The following SNX10 variants were observed in gnomAD, a reference collection of about 807,000 sequenced individuals.
The protein encoded by SNX10 is sorting nexin 10.
A neutral mutation model predicts 28.5 loss-of-function variants in SNX10; 25 were observed. The observed-to-expected ratio is 0.88, with a 90% CI of 0.64 to 1.22. SNX10 has a LOEUF of 1.22. Ranked by LOEUF, SNX10 falls within the 50% of genes most tolerant of loss-of-function variation. The pLI, the probability that SNX10 is intolerant of heterozygous loss-of-function variation, is 0.00. For synonymous variants in SNX10, 62 were observed against 81.4 expected, an observed-to-expected ratio of 0.76 and a Z score of 1.28; for missense variants, 223 against 242.6, an observed-to-expected ratio of 0.92 and a Z score of 0.54.
chr7:26,355,847 C>G (rs1788797941), intron 2 of SNX10, among the ~76,000 whole-genome samples: 1 of 152,204 alleles, frequency 6.6e-6, no homozygotes, highest in Admixed American at 6.5e-5. Flanking sequence ...AAACTTAGCT[C>G]AGGCTGGTCA....
chr7:26,292,318 C>T (rs1377646566), intron 1 of SNX10, among the ~76,000 whole-genome samples: 2 of 152,050 alleles, frequency 1.3e-5, no homozygotes, highest in Admixed American at 6.5e-5. Flanking sequence ...GGAGATGGAG[C>T]GCGTCGATCC....
rs555355327 is a variant in SNX10, at chr7:26,331,132, C to T, written c.-23-15288C>T. On this transcript the variant is annotated intron_variant, in intron 1 of 6. Coordinates refer to ENST00000338523, the MANE Select transcript of SNX10 (RefSeq NM_013322.3). The stretch of plus-strand genomic sequence containing the variant: ...CACCACTGCACTCCAGCCTGGGTGG[C>T]AGAGTGAGACCTGTCTCTAATAAAA... Among the ~76,000 whole-genome samples, 6 of 147,962 alleles carry T rather than the reference C, an allele frequency of 4.1e-5. No homozygotes were observed. The Admixed American group carries it at 4.1e-4, about 10-fold the overall frequency.
At chr7:26,361,913 A>T (rs1789088121) in intron 3 of SNX10, among the ~76,000 whole-genome samples, 1 of 152,214 alleles carries the variant, frequency 6.6e-6, no homozygotes, top group Non-Finnish European at 1.5e-5. Context: ...ATCAGATGCA[A>T]ACTAAATTAG....
At chr7:26,326,932 G>A (rs1787523960) in intron 1 of SNX10, among the ~76,000 whole-genome samples, 1 of 148,726 alleles carries the variant, frequency 6.7e-6, no homozygotes, top group African/African-American at 2.5e-5. Context: ...TAGAAGCACT[G>A]TCTCTGTGTT....
intron 1 of SNX10, among the ~76,000 whole-genome samples, chr7:26,323,436 G>A (rs1307283009): frequency 6.6e-6 from 1 of 152,100 alleles, no homozygotes; most frequent in African/African-American, 2.4e-5. Context: ...GAAGGCCCTG[G>A]GATGAGATGC....
chr7:26,349,241 G>A (rs539084032), intron 2 of SNX10, among the ~76,000 whole-genome samples: 12 of 152,276 alleles, frequency 7.9e-5, no homozygotes, highest in Admixed American at 4.6e-4. Context: ...AGGTTGGCAC[G>A]TGAATTGAGA....
chr7:26,294,820 G>T (rs1471214630), intron 1 of SNX10, among the ~76,000 whole-genome samples: 1 of 152,150 alleles, frequency 6.6e-6, no homozygotes, highest in Non-Finnish European at 1.5e-5. Flanking sequence ...TCTTTTTACA[G>T]ATGTGGAAAC....
chr7:26,360,672 A>AT (rs1277861778), intron 2 of SNX10: 4 of 319,740 alleles, frequency 1.3e-5, no homozygotes, highest in Non-Finnish European at 2.1e-5. Context: ...ATTATTTAAG[A>AT]TTAAAAATTA....
intron 2 of SNX10, among the ~76,000 whole-genome samples, chr7:26,349,213 C>T (rs990797118): frequency 1.3e-5 from 2 of 152,208 alleles, no homozygotes; most frequent in Admixed American, 1.3e-4. Context: ...CCACAGCAAA[C>T]ATTACTAATT....
intron 1 of SNX10, among the ~76,000 whole-genome samples, chr7:26,330,610 C>G (rs1787708049): frequency 6.6e-6 from 1 of 152,090 alleles, no homozygotes; most frequent in Non-Finnish European, 1.5e-5. Context: ...AGGACGGAGT[C>G]AGATCCAGGT....
intron 6 of SNX10, chr7:26,372,255 A>G (rs950788188): frequency 1.1e-4 from 65 of 587,944 alleles, no homozygotes; most frequent in African/African-American, 1.1e-3. Context: ...TAGAAATTCA[A>G]TTATTTGCAT....
In SNX10 at chr7:26,334,366, CCTCT is replaced by C. The variant is rs148480603; in HGVS notation, c.-23-12048_-23-12045del. Among the ~76,000 whole-genome samples the C allele has an allele frequency of 2.9e-3, 443 of 152,154 alleles. 4 individuals carry two copies. Among genetic ancestry groups the C allele is most frequent in the Middle Eastern group, 0.014 (4 of 294 alleles). On this transcript the variant is annotated intron_variant, in intron 1 of 6. Coordinates refer to ENST00000338523, the MANE Select transcript of SNX10 (RefSeq NM_013322.3). The stretch of plus-strand genomic sequence containing the variant: ...GAAGCACCTGTGCCAGTGGTCATTT[CCTCT>C]CTCTCATATGTAATTTTTCACAGCT...
At chr7:26,360,598 C>T (rs1789026699) in intron 2 of SNX10, 1 of 203,696 alleles carries the variant, frequency 4.9e-6, no homozygotes, top group African/African-American at 2.4e-5. Flanking sequence ...CCCATTGTTT[C>T]AGTTTAGAGA....
intron 2 of SNX10, among the ~76,000 whole-genome samples, chr7:26,351,696 G>C (rs559774329): frequency 8.2e-6 from 1 of 121,370 alleles, no homozygotes; most frequent in Non-Finnish European, 1.6e-5. Flanking sequence ...TCTCTCTGTC[G>C]CCCAGGCTGG....
chr7:26,313,403 A>G (rs1786930313), intron 1 of SNX10, among the ~76,000 whole-genome samples: 3 of 152,074 alleles, frequency 2.0e-5, no homozygotes, highest in East Asian at 1.9e-4. Flanking sequence ...TTTCTTCCCA[A>G]TGCTGTTGCT....
At position 26,298,312 on chromosome 7, in the gene SNX10, C is replaced by T. The variant is rs148942960; in HGVS notation, c.-24+6226C>T. On this transcript the variant is annotated intron_variant, in intron 1 of 6. Transcript: ENST00000338523. The stretch of plus-strand genomic sequence containing the variant: ...TTAGAAATCAATAGGAAAAACAATC[C>T]AGCAGGAATATGGGCAAAGGCTATT... Among the ~76,000 whole-genome samples the T allele has an allele frequency of 3.9e-5, 6 of 152,246 alleles. No individual in the cohort carries two copies. In the East Asian group the frequency reaches 1.2e-3, roughly 29 times the overall value.
At chr7:26,340,644 G>T (rs886576803) in intron 1 of SNX10, among the ~76,000 whole-genome samples, 4 of 152,210 alleles carry the variant, frequency 2.6e-5, no homozygotes, top group Non-Finnish European at 5.9e-5. Context: ...CTTCAGGACT[G>T]CCATGTTTCC....
intron 1 of SNX10, among the ~76,000 whole-genome samples, chr7:26,314,331 C>T (rs1187805392): frequency 3.3e-5 from 5 of 151,278 alleles, no homozygotes; most frequent in Non-Finnish European, 5.9e-5. Flanking sequence ...TATCTCAGCT[C>T]ACTGCAACCT....
At chr7:26,324,440 G>T (rs1787425029) in intron 1 of SNX10, among the ~76,000 whole-genome samples, 1 of 152,150 alleles carries the variant, frequency 6.6e-6, no homozygotes, top group Admixed American at 6.5e-5. Context: ...GCTCACTGTA[G>T]CCTCAATCAT....
Sources: allele counts gnomAD v4.1 joint callset (sites outside exome capture counted in the v4.1 genomes callset), GRCh38; gene constraint gnomAD v4.1.1; transcripts MANE v1.5; gene names NCBI Gene and HGNC (gene_info 2026-07-23, HGNC 2026-07-21).